EPHA7: variants seen among roughly 807,000 people sequenced by gnomAD.
The protein encoded by EPHA7 is EPH receptor A7, also known as ephrin type-A receptor 7.
A neutral mutation model predicts 112.6 loss-of-function variants in EPHA7; 25 were observed. That is an observed-to-expected ratio of 0.22 (90% CI 0.16 to 0.31). The LOEUF is 0.31. Ranked by LOEUF, EPHA7 falls within the 10% of genes least tolerant of loss-of-function variation. The probability of loss-of-function intolerance (pLI) is 1.00; values close to 1 mark genes in which losing one functional copy is unlikely to be tolerated. For synonymous variants in EPHA7, 437 were observed against 406.5 expected (o/e 1.07, Z -0.90); for missense variants, 962 against 1,212.6 (o/e 0.79, Z 3.07).
chr6:93,367,788 G>C (rs1159375787), intron 3 of EPHA7, among the ~76,000 whole-genome samples: 1 of 152,106 alleles, frequency 6.6e-6, no homozygotes, highest in Admixed American at 6.6e-5. Flanking sequence ...TAGTTCACGT[G>C]AAGAACTTAG....
At chr6:93,350,963 T>A in intron 5 of EPHA7, among the ~76,000 whole-genome samples, 1 of 152,086 alleles carries the variant, frequency 6.6e-6, no homozygotes, top group South Asian at 2.1e-4. Flanking sequence ...CATTATTCCA[T>A]AATCACACTC....
intron 5 of EPHA7, among the ~76,000 whole-genome samples, chr6:93,350,915 T>C (rs537591648): frequency 5.3e-5 from 8 of 152,056 alleles, no homozygotes; most frequent in Non-Finnish European, 1.2e-4. Flanking sequence ...AATTCCCCAG[T>C]AATCTTTCCC....
chr6:93,411,720 G>A (rs1778985303), intron 2 of EPHA7, among the ~76,000 whole-genome samples: 1 of 152,068 alleles, frequency 6.6e-6, no homozygotes, highest in South Asian at 2.1e-4. Flanking sequence ...ATATAAGGAA[G>A]TAACATTTTA....
At chr6:93,275,327 G>A (rs1771419129) in intron 5 of EPHA7, among the ~76,000 whole-genome samples, 1 of 151,840 alleles carries the variant, frequency 6.6e-6, no homozygotes, top group Non-Finnish European at 1.5e-5. Context: ...AAAGATGTAG[G>A]AGAAAACAAA....
intron 5 of EPHA7, among the ~76,000 whole-genome samples, chr6:93,340,851 A>C (rs913817658): frequency 2.0e-5 from 3 of 151,934 alleles, no homozygotes; most frequent in Non-Finnish European, 2.9e-5. Context: ...AGAAAAAAAA[A>C]CAAAGTTAGC....
intron 3 of EPHA7, among the ~76,000 whole-genome samples, chr6:93,362,644 C>T (rs1235298737): frequency 6.6e-6 from 1 of 152,050 alleles, no homozygotes; most frequent in African/African-American, 2.4e-5. Context: ...CAATGGGATG[C>T]CAGGCCACTG....
At chr6:93,305,811 T>A (rs140864703) in intron 5 of EPHA7, among the ~76,000 whole-genome samples, 2 of 151,640 alleles carry the variant, frequency 1.3e-5, no homozygotes, top group African/African-American at 4.8e-5. Flanking sequence ...CAGAAGAAAA[T>A]AAAAAAAATT....
In EPHA7 at chr6:93,410,815, T is replaced by G; in HGVS notation, c.518A>C (p.Glu173Ala). Reference protein sequence around the residue: ...RKMKLNTEVREIGPLSKKGFY... With the variant: ...RKMKLNTEVRAIGPLSKKGFY... ...TCCCTTTTTGGACAAAGGTCCAATC[T>G]CTCTCACCTCAGTGTTAAGCTTCAT... is the stretch of plus-strand genomic sequence containing the variant. The change falls in exon 3 of 17, where the codon GAG (glutamate) becomes GCG (alanine). Residue 173 changes from glutamate to alanine, a missense_variant. By Grantham distance (107) the Glu-to-Ala change is moderately radical. This residue lies in a region of EPHA7 where 160 missense variants were observed against 263.6 expected (regional missense o/e 0.61). Transcript: ENST00000369303. This position sits in a 1 kb window ranked among gnomAD's most constrained non-coding sequence, Gnocchi z 4.0. 1 of 1,614,060 alleles carries G rather than the reference T, an allele frequency of 6.2e-7. No homozygotes were observed. Among genetic ancestry groups the G allele is most frequent in the Non-Finnish European group, 8.5e-7 (1 of 1,179,958 alleles).
intron 3 of EPHA7, among the ~76,000 whole-genome samples, chr6:93,373,992 A>G (rs1387114395): frequency 6.6e-6 from 1 of 152,170 alleles, no homozygotes; most frequent in African/African-American, 2.4e-5. Flanking sequence ...ATAAAAATGT[A>G]TAACATGTCA....
chr6:93,259,615 A>G, intron 9 of EPHA7, 136 bp from the exon 10 acceptor site: 9 of 991,096 alleles, frequency 9.1e-6, no homozygotes, highest in Non-Finnish European at 1.4e-5. Flanking sequence ...AGCAGTTTTA[A>G]CAGACTACTT....
At chr6:93,345,332 A>T (rs1049382130) in intron 5 of EPHA7, among the ~76,000 whole-genome samples, 1 of 151,758 alleles carries the variant, frequency 6.6e-6, no homozygotes, top group African/African-American at 2.4e-5. Context: ...TGATGTCAAC[A>T]CGCTATGGAT....
intron 5 of EPHA7, among the ~76,000 whole-genome samples, chr6:93,305,773 C>T (rs571938771): frequency 2.3e-4 from 35 of 151,938 alleles, no homozygotes; most frequent in African/African-American, 7.5e-4. Flanking sequence ...AATACCTCTA[C>T]TAGAGCCACC....
chr6:93,368,280 G>C (rs1345881528), intron 3 of EPHA7, among the ~76,000 whole-genome samples: 1 of 151,906 alleles, frequency 6.6e-6, no homozygotes, highest in Non-Finnish European at 1.5e-5. Context: ...CTATTTCAGA[G>C]GTGACTATAA....
At chr6:93,326,675 A>T (rs562885580) in intron 5 of EPHA7, among the ~76,000 whole-genome samples, 1 of 151,462 alleles carries the variant, frequency 6.6e-6, no homozygotes, top group Non-Finnish European at 1.5e-5. Context: ...ATCATAGCAT[A>T]TGACGTGTTT....
At chr6:93,365,036 G>A (rs1049139649) in intron 3 of EPHA7, among the ~76,000 whole-genome samples, 6 of 152,106 alleles carry the variant, frequency 3.9e-5, no homozygotes, top group African/African-American at 1.4e-4. Flanking sequence ...TGCCAGATGA[G>A]GTCTGGTTTC....
At chr6:93,358,681 T>C (rs575043060) in intron 3 of EPHA7, among the ~76,000 whole-genome samples, 1 of 152,326 alleles carries the variant, frequency 6.6e-6, no homozygotes, top group East Asian at 1.9e-4. Context: ...AATACAGGCA[T>C]AATTTATTTA....
At chr6:93,328,792 G>A (rs1056498285) in intron 5 of EPHA7, among the ~76,000 whole-genome samples, 2 of 151,286 alleles carry the variant, frequency 1.3e-5, no homozygotes, top group African/African-American at 4.8e-5. Flanking sequence ...TTAAATAATA[G>A]GGAGAAAGAG....
intron 7 of EPHA7, among the ~76,000 whole-genome samples, chr6:93,264,956 G>C (rs911665683): frequency 6.6e-6 from 1 of 151,508 alleles, no homozygotes; most frequent in Non-Finnish European, 1.5e-5. Flanking sequence ...TTATATTCCT[G>C]CTTAGTTGTT....
intron 4 of EPHA7, 75 bp downstream of exon 4, chr6:93,358,181 T>G: frequency 9.0e-7 from 1 of 1,108,380 alleles, no homozygotes; most frequent in Middle Eastern, 2.2e-4. Context: ...ATTCAATATC[T>G]ATTTCATTGA....
Sources: gnomAD v4.1 joint callset for allele counts (sites outside exome capture counted in the v4.1 genomes callset) on GRCh38, gnomAD v4.1.1 for gene constraint, gnomAD v4.1.1 regional missense constraint, Gnocchi (gnomAD v3.1) non-coding constraint, MANE v1.5 for transcripts, NCBI Gene and HGNC (gene_info 2026-07-23, HGNC 2026-07-21) for gene names.